The following ALK variants were observed in gnomAD, a reference collection of about 807,000 sequenced individuals.
ALK encodes ALK tyrosine kinase receptor.
In ALK, 74 loss-of-function variants were observed where a neutral mutation model predicts 163.1. That is an observed-to-expected ratio of 0.45 (90% CI 0.38 to 0.55). ALK has a LOEUF of 0.55. ALK is among the 20% of genes least tolerant of loss of function. The probability of loss-of-function intolerance (pLI) is 0.00; values close to 1 mark genes in which losing one functional copy is unlikely to be tolerated. For synonymous variants in ALK, 960 were observed against 843.2 expected (o/e 1.14, Z -2.40); for missense variants, 2,063 against 2,105.3 (o/e 0.98, Z 0.39).
Position 29,921,247 on chromosome 2 carries a change from C to T in ALK, c.-588G>A, listed in dbSNP as rs573610591. On this transcript the variant is annotated 5_prime_UTR_variant, in exon 1 of 29. Coordinates refer to ENST00000389048, the MANE Select transcript of ALK (RefSeq NM_004304.5). ...GCACCCTCAAGCTATCTCTCCGCTG[C>T]GGGAAGGCTTCGGACTGTCTGCCTG... The T allele has an allele frequency of 6.0e-5, 14 of 233,706 alleles. No individual in the cohort carries two copies. In the South Asian group the frequency reaches 1.8e-3, roughly 30 times the overall value. 14.5% of individuals were successfully genotyped at this position (233,706 alleles called of 1,614,324 possible). A position where few individuals can be genotyped will look rare whatever the true frequency, so the allele number is the denominator to read the frequency against.
intron 3 of ALK, among the ~76,000 whole-genome samples, chr2:29,622,291 G>A (rs1190538796): frequency 1.3e-5 from 2 of 152,174 alleles, no homozygotes. Context: ...AGACTGGGAA[G>A]AAAAAGAGGT....
At chr2:29,859,292 G>A (rs368790754) in intron 1 of ALK, among the ~76,000 whole-genome samples, 1 of 152,202 alleles carries the variant, frequency 6.6e-6, no homozygotes, top group African/African-American at 2.4e-5. Flanking sequence ...TCAGCAGGAG[G>A]TCAGGTCTGG....
In ALK at chr2:29,224,189, GA is replaced by G. The variant is rs980450674; in HGVS notation, c.3173-662del. ...TGGTCAGTTGTGTTTCCTATAGTTG[GA>G]GAACTGCCAAGCCACAGAGTTGGAG... On this transcript the variant is annotated intron_variant, in intron 19 of 28. Coordinates refer to ENST00000389048, the MANE Select transcript of ALK (RefSeq NM_004304.5). Among the ~76,000 whole-genome samples the G allele has an allele frequency of 7.9e-4, 120 of 152,288 alleles. 1 individual carries two copies. Among genetic ancestry groups the G allele is most frequent in the African/African-American group, 2.8e-3 (116 of 41,548 alleles).
At chr2:29,582,318 G>T (rs749614409) in intron 3 of ALK, among the ~76,000 whole-genome samples, 1 of 152,196 alleles carries the variant, frequency 6.6e-6, no homozygotes, top group Non-Finnish European at 1.5e-5. Flanking sequence ...ACAAGAATGG[G>T]TATCTCACTT....
At chr2:29,824,162 A>C (rs993878333) in intron 1 of ALK, among the ~76,000 whole-genome samples, 1 of 152,226 alleles carries the variant, frequency 6.6e-6, no homozygotes, top group Non-Finnish European at 1.5e-5. Flanking sequence ...TTGAGCCTGC[A>C]GGTACACAGA....
intron 1 of ALK, among the ~76,000 whole-genome samples, chr2:29,829,140 G>A (rs1486986506): frequency 8.5e-6 from 1 of 118,020 alleles, no homozygotes; most frequent in Non-Finnish European, 1.6e-5. Context: ...ACAGGAAGGG[G>A]AACATCATAC....
At chr2:29,257,606 C>G (rs577889103) in intron 11 of ALK, among the ~76,000 whole-genome samples, 153 of 152,308 alleles carry the variant, frequency 1.0e-3, no homozygotes, top group Middle Eastern at 3.4e-3. Flanking sequence ...TTAATCACAA[C>G]AGTAAGGATC....
intron 9 of ALK, among the ~76,000 whole-genome samples, chr2:29,291,461 T>G (rs1051929772): frequency 6.6e-6 from 1 of 152,182 alleles, no homozygotes; most frequent in African/African-American, 2.4e-5. Context: ...CCTCAGGCAG[T>G]ACATAGGAGG....
intron 1 of ALK, among the ~76,000 whole-genome samples, chr2:29,731,608 T>A (rs1679744544): frequency 6.6e-6 from 1 of 152,182 alleles, no homozygotes; most frequent in Non-Finnish European, 1.5e-5. Context: ...GAATTAATGA[T>A]TTTATTAGAT....
intron 1 of ALK, among the ~76,000 whole-genome samples, chr2:29,814,906 G>A (rs1434624468): frequency 6.6e-6 from 1 of 151,548 alleles, no homozygotes; most frequent in Admixed American, 6.6e-5. Flanking sequence ...AATGTTAGTG[G>A]CAGTAGTCGT....
intron 4 of ALK, among the ~76,000 whole-genome samples, chr2:29,457,280 T>C (rs1205135105): frequency 2.6e-5 from 4 of 152,042 alleles, no homozygotes; most frequent in Non-Finnish European, 5.9e-5. Flanking sequence ...TTCTGGGTGG[T>C]GAGTCACTGC....
At chr2:29,371,636 A>G (rs1314858385) in intron 5 of ALK, among the ~76,000 whole-genome samples, 1 of 152,200 alleles carries the variant, frequency 6.6e-6, no homozygotes, top group African/African-American at 2.4e-5. Context: ...AGACTTTTAT[A>G]TCTAATGTTT....
In ALK at chr2:29,246,549, G is replaced by T. The variant is rs115755755; in HGVS notation, c.2204+4556C>A. 6.1e-3 allele frequency among the ~76,000 whole-genome samples: 931 copies of T among 152,206 alleles called. 11 individuals carry two copies. The highest frequency in any genetic ancestry group is 0.021 in the African/African-American group (886 of 41,514). On this transcript the variant is annotated intron_variant, in intron 12 of 28. Transcript: ENST00000389048. This position sits in a 1 kb window ranked among gnomAD's most constrained non-coding sequence, Gnocchi z 4.3. ...AGGCCTCCTGATCAGGGCCCCTCTC[G>T]CTGCTGCCCTGGCCTTGCCTGTTCT...
rs978696489 is a variant in ALK, at chr2:29,694,947, G to C, written c.855C>G (p.Asn285Lys). The C allele has an allele frequency of 6.2e-7, 1 of 1,614,150 alleles. No individual in the cohort carries two copies. The highest frequency in any genetic ancestry group is 8.5e-7 in the Non-Finnish European group (1 of 1,179,996). The change falls in exon 3 of 29, where the codon AAC becomes AAG. Residue 285 changes from asparagine (N) to lysine (K), a missense_variant. Asn to Lys is a moderately conservative substitution (Grantham distance 94). This residue lies in a region of ALK where 987 missense variants were observed against 939.5 expected (regional missense o/e 1.05). Coordinates refer to ENST00000389048, the MANE Select transcript of ALK (RefSeq NM_004304.5). ...GGATGCGGCGCCAGGACCAGCTCTG[G>C]TTCCTGAGGTCATGCAGTGGAGGGG... ...EYSPPLHDLR[N>K]QSWSWRRIPS...
intron 22 of ALK, chr2:29,221,072 G>A (rs1669790054): frequency 1.6e-6 from 1 of 643,128 alleles, no homozygotes. Context: ...AGTGGCTGGA[G>A]CTGTGAGGAT....
At chr2:29,356,733 T>C (rs964264324) in intron 5 of ALK, among the ~76,000 whole-genome samples, 40 of 152,066 alleles carry the variant, frequency 2.6e-4, no homozygotes, top group Non-Finnish European at 4.7e-4. Context: ...GAAAATGACA[T>C]CCAAATAAAT....
intron 1 of ALK, among the ~76,000 whole-genome samples, chr2:29,887,672 T>C (rs1667019351): frequency 6.6e-6 from 1 of 152,204 alleles, no homozygotes; most frequent in Admixed American, 6.5e-5. Context: ...TCTACATTTT[T>C]AACAGATTCC....
At chr2:29,647,945 T>C (rs1283285050) in intron 3 of ALK, among the ~76,000 whole-genome samples, 1 of 152,128 alleles carries the variant, frequency 6.6e-6, no homozygotes, top group African/African-American at 2.4e-5. Flanking sequence ...GAATAGAAGA[T>C]AATATTAAAA....
At chr2:29,456,561 A>G (rs1393101742) in intron 4 of ALK, among the ~76,000 whole-genome samples, 2 of 152,166 alleles carry the variant, frequency 1.3e-5, no homozygotes, top group Non-Finnish European at 2.9e-5. Context: ...GGCTAGAGGG[A>G]GAATGAGGAC....
Sources: gnomAD v4.1 joint callset for allele counts (sites outside exome capture counted in the v4.1 genomes callset) on GRCh38, gnomAD v4.1.1 for gene constraint, gnomAD v4.1.1 regional missense constraint, Gnocchi (gnomAD v3.1) non-coding constraint, MANE v1.5 for transcripts, NCBI Gene and HGNC (gene_info 2026-07-23, HGNC 2026-07-21) for gene names.